Variants in WDFY3 observed in about 807,000 individuals in gnomAD.
WDFY3 encodes WD repeat and FYVE domain-containing protein 3.
Under a neutral mutation model 409.6 loss-of-function variants are expected in WDFY3, and 66 were observed. The observed-to-expected ratio is 0.16, with a 90% confidence interval of 0.13 to 0.20. WDFY3 has a LOEUF of 0.20. Among genes scored for constraint, WDFY3 ranks in the 10% least tolerant of loss-of-function variants. The pLI is 1.00. For missense variants in WDFY3, 3,031 were observed against 4,298.1 expected, an observed-to-expected ratio of 0.71 and a Z score of 8.24; for synonymous variants, 1,521 against 1,537.1, an observed-to-expected ratio of 0.99 and a Z score of 0.25.
intron 48 of WDFY3, 106 bp downstream of exon 48, chr4:84,718,316 T>G (rs1016880583): frequency 3.3e-6 from 4 of 1,221,586 alleles, no homozygotes; most frequent in African/African-American, 1.5e-5. Flanking sequence ...AACCGAGAGA[T>G]AACATTACCT....
intron 33 of WDFY3, among the ~76,000 whole-genome samples, 199 bp from the exon 34 acceptor site, chr4:84,755,599 C>A (rs1198631788): frequency 1.3e-5 from 2 of 152,178 alleles, no homozygotes; most frequent in Non-Finnish European, 2.9e-5. Flanking sequence ...AAATTGAATA[C>A]TGTGTATCAT....
At chr4:84,702,023 T>C (rs932522855) in intron 56 of WDFY3, among the ~76,000 whole-genome samples, 1 of 152,212 alleles carries the variant, frequency 6.6e-6, no homozygotes, top group Non-Finnish European at 1.5e-5. Context: ...TATTTATTTA[T>C]TTAGAGACGG....
intron 2 of WDFY3, among the ~76,000 whole-genome samples, chr4:84,914,272 T>A (rs1187168299): frequency 1.3e-5 from 2 of 151,866 alleles, no homozygotes; most frequent in African/African-American, 4.8e-5. Flanking sequence ...ATACAAAAAA[T>A]TAGCTGGGCG....
intron 35 of WDFY3, 141 bp downstream of exon 35, chr4:84,753,556 G>A: frequency 1.1e-6 from 1 of 920,634 alleles, no homozygotes; most frequent in Non-Finnish European, 1.5e-6. Flanking sequence ...TAATGCAAGA[G>A]GTGATGTATA....
At chr4:84,820,003 A>G in intron 12 of WDFY3, 82 bp downstream of exon 12, 2 of 1,230,788 alleles carry the variant, frequency 1.6e-6, no homozygotes, top group Non-Finnish European at 2.2e-6. Flanking sequence ...AGTGACAGGA[A>G]GATTTCAGAA....
chr4:84,672,988 G>A lies in WDFY3; in HGVS notation c.10461C>T (p.Cys3487=), dbSNP rs768088910. 4 of 1,613,940 alleles carry A rather than the reference G, an allele frequency of 2.5e-6. No individual in the cohort carries two copies. Among genetic ancestry groups the A allele is most frequent in the Non-Finnish European group, 3.4e-6 (4 of 1,179,932 alleles). Reference sequence around the variant, plus strand: ...GTTTGATTTCAGATTGAAAGCGACTGCACCTAAAGGAAAGGAAAAGTCAAT... The same window carrying A: ...GTTTGATTTCAGATTGAAAGCGACTACACCTAAAGGAAAGGAAAAGTCAAT... ...RNCGQLFCQK[C]SRFQSEIKRL... Residue 3487 remains cysteine, a synonymous_variant, in exon 68 of 68, where the codon TGC becomes TGT. Transcript: ENST00000295888.
Position 84,751,686 on chromosome 4 carries a change from G to T in WDFY3, c.5770C>A (p.Pro1924Thr). ...GCAAACGCTTTAAACTCTTCTGCTG[G>T]AGATCCAACTTCATCATCAAGGTCA... Reference protein sequence around the residue: ...VTDLDDEVGSPAEEFKAFAAD... With the variant: ...VTDLDDEVGSTAEEFKAFAAD... Residue 1924 changes from proline to threonine, a missense_variant, in exon 36 of 68, where the codon CCA becomes ACA. Transcript: ENST00000295888. The T allele has an allele frequency of 6.2e-7, 1 of 1,614,134 alleles. No individual in the cohort carries two copies. Among genetic ancestry groups the T allele is most frequent in the Non-Finnish European group, 8.5e-7 (1 of 1,180,038 alleles).
chr4:84,894,742 C>A (rs571059658), intron 3 of WDFY3, among the ~76,000 whole-genome samples: 1 of 151,684 alleles, frequency 6.6e-6, no homozygotes, highest in South Asian at 2.1e-4. Context: ...GCCGAGACTG[C>A]GTCACCGCAC....
intron 53 of WDFY3, among the ~76,000 whole-genome samples, 163 bp from the exon 54 acceptor site, chr4:84,705,674 G>A (rs1408604737): frequency 6.6e-6 from 1 of 152,174 alleles, no homozygotes; most frequent in African/African-American, 2.4e-5. Flanking sequence ...TATATGTACT[G>A]TTTATACACA....
Position 84,798,040 on chromosome 4 carries a change from C to T in WDFY3, c.2891G>A (p.Arg964Lys). 2 of 1,613,442 alleles carry T rather than the reference C, an allele frequency of 1.2e-6. No homozygotes were observed. The highest frequency in any genetic ancestry group is 1.7e-6 in the Non-Finnish European group (2 of 1,179,676). ...ACTCAGTGAACTTGGTTTGTGGACC[C>T]TATATTGTTTTAGCAGTTTTTTGTC... Reference protein sequence around the residue: ...AWDKKLLKQYRVHKPSSLSYE... With the variant: ...AWDKKLLKQYKVHKPSSLSYE... Residue 964 changes from arginine (R) to lysine (K), a missense_variant, in exon 18 of 68, where the codon AGG becomes AAG. Transcript: ENST00000295888.
intron 21 of WDFY3, 55 bp from the exon 22 acceptor site, chr4:84,789,962 A>G: frequency 6.4e-7 from 1 of 1,554,880 alleles, no homozygotes; most frequent in Non-Finnish European, 8.8e-7. Context: ...CCCTATTCAA[A>G]TTATTCATAT....
intron 30 of WDFY3, among the ~76,000 whole-genome samples, chr4:84,769,714 G>A (rs1166505092): frequency 1.3e-5 from 2 of 152,140 alleles, no homozygotes; most frequent in African/African-American, 4.8e-5. Flanking sequence ...GAGCCACCGC[G>A]CCCGGCCTGC....
chr4:84,855,941 C>G (rs1759705260), intron 4 of WDFY3, among the ~76,000 whole-genome samples: 1 of 152,226 alleles, frequency 6.6e-6, no homozygotes, highest in South Asian at 2.1e-4. Flanking sequence ...GCATTCTCAT[C>G]TGCTCTGGCT....
rs755649610 is a variant in WDFY3, at chr4:84,740,360, C to T, written c.6291G>A (p.Arg2097=). ...SLDAVYHCLN[R]TILYQFSRAH... is the part of the protein sequence containing the mutation. ...CCCGTGAGAACTGGTACAAGATGGT[C>T]CTATTGAGGCAATGATACACTGCAT... is the stretch of plus-strand genomic sequence containing the variant. The change falls in exon 39 of 68, where the codon AGG becomes AGA. Residue 2097 remains arginine (R), a synonymous_variant. Transcript: ENST00000295888. 3.7e-6 allele frequency: 6 copies of T among 1,613,980 alleles called. No individual in the cohort carries two copies. The highest frequency in any genetic ancestry group is 3.3e-5 in the South Asian group (3 of 91,068).
intron 1 of WDFY3, among the ~76,000 whole-genome samples, chr4:84,958,637 T>C (rs775774322): frequency 2.6e-5 from 4 of 152,166 alleles, no homozygotes; most frequent in Non-Finnish European, 4.4e-5. Context: ...GAGACAGGAA[T>C]GCATCTCTGC....
At chr4:84,677,961 CAAAAAAAAAAAA>C (rs986393073) in intron 66 of WDFY3, among the ~76,000 whole-genome samples, 195 bp downstream of exon 66, 3 of 21,182 alleles carry the variant, frequency 1.4e-4, no homozygotes, top group African/African-American at 3.5e-4. Flanking sequence ...GACCCTGTCT[CAAAAAAAAAAAA>C]AAAAAAAAAA....
intron 2 of WDFY3, among the ~76,000 whole-genome samples, chr4:84,900,382 AC>A (rs888649364): frequency 6.6e-6 from 1 of 152,030 alleles, no homozygotes; most frequent in African/African-American, 2.4e-5. Flanking sequence ...CAACACCACA[AC>A]CAGCTAATTT....
At chr4:84,965,210 T>C (rs2151247832) in intron 1 of WDFY3, among the ~76,000 whole-genome samples, 1 of 152,336 alleles carries the variant, frequency 6.6e-6, no homozygotes, top group South Asian at 2.1e-4. Context: ...AACCTGGAAA[T>C]ATGCCACTAT....
At chr4:84,875,686 A>T (rs1455169679) in intron 3 of WDFY3, among the ~76,000 whole-genome samples, 2 of 152,220 alleles carry the variant, frequency 1.3e-5, no homozygotes, top group Non-Finnish European at 2.9e-5. Context: ...TCATTATTCT[A>T]TAAGCATTTT....
Sources: allele counts gnomAD v4.1 joint callset (sites outside exome capture counted in the v4.1 genomes callset), GRCh38; gene constraint gnomAD v4.1.1; transcripts MANE v1.5; gene names NCBI Gene and HGNC (gene_info 2026-07-23, HGNC 2026-07-21).